Variants in SLC6A14 observed in about 807,000 individuals in gnomAD.
The protein encoded by SLC6A14 is sodium- and chloride-dependent neutral and basic amino acid transporter B(0+).
A neutral mutation model predicts 51.4 loss-of-function variants in SLC6A14; 21 were observed. The ratio of observed to expected loss-of-function variants is 0.41; its 90% CI spans 0.29 to 0.59. The LOEUF (loss-of-function observed/expected upper bound fraction) is 0.59, where lower values mean the gene tolerates loss of function less well. SLC6A14 is among the 20% of genes least tolerant of loss of function. The pLI, the probability that SLC6A14 is intolerant of heterozygous loss-of-function variation, is 0.31. For synonymous variants in SLC6A14, 177 were observed against 160.7 expected (o/e 1.10, Z -0.77); for missense variants, 371 against 472.8 (o/e 0.78, Z 2.00).
chrX:116,457,746 A>T lies in SLC6A14; in HGVS notation c.1752A>T (p.Lys584Asn). ...IIWIPIMAIIKIIQAKGNIFQ... is the reference protein window; with the variant it reads ...IIWIPIMAIINIIQAKGNIFQ... Reference sequence around the variant, plus strand: ...GGATTCCAATTATGGCTATCATAAAAATAATTCAGGCTAAAGGAAACATCT... The same window carrying T: ...GGATTCCAATTATGGCTATCATAAATATAATTCAGGCTAAAGGAAACATCT... Residue 584 changes from lysine to asparagine, a missense_variant, in exon 13 of 14, where the codon AAA becomes AAT. Physicochemically the swap from Lys to Asn is moderately conservative, Grantham distance 94. This residue lies in a region of SLC6A14 where 94 missense variants were observed against 81.0 expected (regional missense o/e 1.16). Transcript: ENST00000598581. 1 of 1,202,825 alleles carries T rather than the reference A, an allele frequency of 8.3e-7. No homozygotes were observed. The highest frequency in any genetic ancestry group is 1.1e-6 in the Non-Finnish European group (1 of 887,774).
intron 7 of SLC6A14, among the ~76,000 whole-genome samples, chrX:116,447,931 G>A (rs1927750084): frequency 9.0e-6 from 1 of 111,123 alleles, no homozygotes; most frequent in Non-Finnish European, 1.9e-5. Context: ...CACATTCTTA[G>A]CACACATTAA....
intron 1 of SLC6A14, 68 bp from the exon 2 acceptor site, chrX:116,437,722 G>C: frequency 9.5e-7 from 1 of 1,052,670 alleles, no homozygotes; most frequent in Non-Finnish European, 1.3e-6. Context: ...CTATGGATTT[G>C]TGAAATTATG....
At chrX:116,436,888 G>A in intron 1 of SLC6A14, 131 bp downstream of exon 1, 2 of 537,648 alleles carry the variant, frequency 3.7e-6, no homozygotes, top group Non-Finnish European at 6.1e-6. Context: ...TATTAGGTGT[G>A]ACTGAGATAT....
chrX:116,448,989 T>A (rs1927769354), intron 7 of SLC6A14, among the ~76,000 whole-genome samples: 1 of 111,363 alleles, frequency 9.0e-6, no homozygotes. Context: ...TTCCTCACAA[T>A]ATATATTCTA....
intron 1 of SLC6A14, among the ~76,000 whole-genome samples, chrX:116,437,075 C>A (rs1927496952): frequency 9.0e-6 from 1 of 111,112 alleles, no homozygotes; most frequent in Admixed American, 9.6e-5. Flanking sequence ...CCCAAAGAAC[C>A]CTCCATACCC....
chrX:116,449,393 C>G (rs1452160067), intron 7 of SLC6A14, among the ~76,000 whole-genome samples: 1 of 111,535 alleles, frequency 9.0e-6, no homozygotes, highest in Non-Finnish European at 1.9e-5. Context: ...CTTCCAGCTC[C>G]CCCTGTCACA....
rs782131386 is a variant in SLC6A14, at chrX:116,438,394, T to A, written c.214+439T>A. Among the ~76,000 whole-genome samples the A allele has an allele frequency of 4.5e-5, 5 of 112,300 alleles. No homozygotes were observed. In the South Asian group the frequency reaches 1.8e-3, roughly 41 times the overall value. On this transcript the variant is annotated intron_variant, in intron 2 of 13. Coordinates refer to ENST00000598581, the MANE Select transcript of SLC6A14 (RefSeq NM_007231.5). Reference sequence around the variant, plus strand: ...TAAATTATTTGCTTAACTAAAATAATGCATTACATTTTGGTGACTTAAGTG... The same window carrying A: ...TAAATTATTTGCTTAACTAAAATAAAGCATTACATTTTGGTGACTTAAGTG...
intron 4 of SLC6A14, 76 bp from the exon 5 acceptor site, chrX:116,443,567 C>T: frequency 1.4e-6 from 1 of 693,265 alleles, no homozygotes; most frequent in Non-Finnish European, 2.0e-6. Context: ...AATATGTTAC[C>T]ATTAAAACAT....
intron 7 of SLC6A14, among the ~76,000 whole-genome samples, chrX:116,447,935 A>C (rs1927750298): frequency 9.0e-6 from 1 of 111,544 alleles, no homozygotes; most frequent in African/African-American, 3.3e-5. Context: ...TTCTTAGCAC[A>C]CATTAAGCTT....
chrX:116,438,210 G>A (rs1237357466), intron 2 of SLC6A14, among the ~76,000 whole-genome samples: 4 of 111,588 alleles, frequency 3.6e-5, no homozygotes, highest in Non-Finnish European at 7.5e-5. Context: ...GCACTTCTAA[G>A]CTTCTGATTT....
At chrX:116,457,067 A>C (rs1927948457) in intron 12 of SLC6A14, among the ~76,000 whole-genome samples, 1 of 111,559 alleles carries the variant, frequency 9.0e-6, no homozygotes, top group Admixed American at 9.6e-5. Flanking sequence ...CTCACCAATA[A>C]TGTGTGTAAA....
chrX:116,456,604 A>C (rs1480334640), intron 12 of SLC6A14, among the ~76,000 whole-genome samples: 2 of 111,211 alleles, frequency 1.8e-5, no homozygotes, highest in Non-Finnish European at 3.8e-5. Flanking sequence ...ATTAGATATG[A>C]AATGATTTAC....
chrX:116,444,323 CTCT>C (rs782660293), intron 5 of SLC6A14, among the ~76,000 whole-genome samples: 2 of 111,680 alleles, frequency 1.8e-5, no homozygotes, highest in South Asian at 3.7e-4. Context: ...GCTAAATGAC[CTCT>C]TCTTCATCCA....
chrX:116,444,034 T>G (rs913354586), intron 5 of SLC6A14, among the ~76,000 whole-genome samples: 5 of 111,846 alleles, frequency 4.5e-5, no homozygotes, highest in African/African-American at 1.6e-4. Flanking sequence ...AACACTGTAA[T>G]GATTTATGAG....
rs782728243 is a variant in SLC6A14 at position 116,441,199 on chromosome X, G to A, written c.346+102G>A. On this transcript the variant is annotated intron_variant, in intron 3 of 13. Transcript: ENST00000598581. ...CCTTCACTGTGAGGAACAAAAAATT[G>A]CTTAAAATTCTGACAATTTAAAGCA... 4.9e-5 allele frequency: 43 copies of A among 886,332 alleles called. 1 individual carries two copies. The East Asian group carries it at 9.1e-4, about 19-fold the overall frequency. The allele number at this position is 886,332 out of a possible 1,213,427, so 73.0% of individuals were successfully genotyped here.
At chrX:116,454,086 G>A (rs782169264) in intron 9 of SLC6A14, among the ~76,000 whole-genome samples, 5 of 110,671 alleles carry the variant, frequency 4.5e-5, no homozygotes, top group African/African-American at 9.8e-5. Context: ...AGTTGTTATC[G>A]ATGAAAAATC....
Position 116,459,053 on chromosome X carries a change from A to G in SLC6A14, c.*98A>G. ...GTGTTAACTGAATAGGAAAATGTACATACTATGTTCATGATAGTGTGATTT... is the reference window on the plus strand; with the variant it reads ...GTGTTAACTGAATAGGAAAATGTACGTACTATGTTCATGATAGTGTGATTT... On this transcript the variant is annotated 3_prime_UTR_variant, in exon 14 of 14. Transcript: ENST00000598581. 1.4e-6 allele frequency: 1 copy of G among 707,499 alleles called. No homozygotes were observed. The highest frequency in any genetic ancestry group is 3.3e-5 in the South Asian group (1 of 30,510). The allele number at this position is 707,499 out of a possible 1,213,427, so 58.3% of individuals were successfully genotyped here.
rs916702997 is a variant in SLC6A14 at position 116,439,361 on chromosome X, C to T, written c.214+1406C>T. Among the ~76,000 whole-genome samples, 8 of 111,565 alleles carry T rather than the reference C, an allele frequency of 7.2e-5. No homozygotes were observed. In the Admixed American group the frequency reaches 7.7e-4, roughly 11 times the overall value. ...AATAGATGATCTAGGCACTCTCAATCCTTCTTTCATCCAAGAGTAGAAGAG... is the reference window on the plus strand; with the variant it reads ...AATAGATGATCTAGGCACTCTCAATTCTTCTTTCATCCAAGAGTAGAAGAG... On this transcript the variant is annotated intron_variant, in intron 2 of 13. Coordinates refer to ENST00000598581, the MANE Select transcript of SLC6A14 (RefSeq NM_007231.5).
Position 116,458,810 on chromosome X carries a change from G to A in SLC6A14, c.1784G>A (p.Arg595His), listed in dbSNP as rs1556694955. Reference protein sequence around the residue: ...IIQAKGNIFQRLISCCRPASN... With the variant: ...IIQAKGNIFQHLISCCRPASN... ...TGATTTTTTGTTCTTGCATTTCAGC[G>A]CCTTATAAGTTGCTGCAGACCAGCT... The change falls in exon 14 of 14, where the codon CGC (arginine) becomes CAC (histidine). Residue 595 changes from arginine (R) to histidine (H), a missense_variant and splice_region_variant. Around this residue, in one of 2 missense-constraint regions of SLC6A14, gnomAD observed 94 missense variants for 81.0 expected, o/e 1.16. Transcript: ENST00000598581. 3.4e-6 allele frequency: 4 copies of A among 1,169,741 alleles called. No homozygotes were observed. The highest frequency in any genetic ancestry group is 2.1e-5 in the South Asian group (1 of 48,650).
Sources: allele counts gnomAD v4.1 joint callset (sites outside exome capture counted in the v4.1 genomes callset), GRCh38; gene constraint gnomAD v4.1.1; regional missense constraint gnomAD v4.1.1; transcripts MANE v1.5; gene names NCBI Gene and HGNC (gene_info 2026-07-23, HGNC 2026-07-21).